The following ADGRB3 variants were observed in gnomAD, a reference collection of about 807,000 sequenced individuals.
ADGRB3 encodes brain-specific angiogenesis inhibitor 3.
A neutral mutation model predicts 193.4 loss-of-function variants in ADGRB3; 37 were observed. That is an observed-to-expected ratio of 0.19 (90% CI 0.15 to 0.25). The LOEUF (loss-of-function observed/expected upper bound fraction) is 0.25. Among genes scored for constraint, ADGRB3 ranks in the 10% least tolerant of loss-of-function variants. The probability of loss-of-function intolerance (pLI) is 1.00; values close to 1 mark genes in which losing one functional copy is unlikely to be tolerated. For synonymous variants in ADGRB3, 690 were observed against 644.2 expected, an observed-to-expected ratio of 1.07 and a Z score of -1.08; for missense variants, 1,637 against 1,852.9, an observed-to-expected ratio of 0.88 and a Z score of 2.14.
At position 69,273,025 on chromosome 6, in the gene ADGRB3, C is replaced by T. The variant is rs551268703; in HGVS notation, c.2814+33799C>T. Among the ~76,000 whole-genome samples, 6 of 152,196 alleles carry T rather than the reference C, an allele frequency of 3.9e-5. No individual in the cohort carries two copies. In the South Asian group the frequency reaches 6.2e-4, roughly 16 times the overall value. ...AAGCGATTCTCCTGCCTCAGCCTCC[C>T]GAGTAGCTGAGACCACAAGCCCGTG... is the stretch of plus-strand genomic sequence containing the variant. On this transcript the variant is annotated intron_variant, in intron 20 of 31. Coordinates refer to ENST00000370598, the MANE Select transcript of ADGRB3 (RefSeq NM_001704.3).
At chr6:68,817,868 G>C (rs138321794) in intron 3 of ADGRB3, among the ~76,000 whole-genome samples, 1 of 151,998 alleles carries the variant, frequency 6.6e-6, no homozygotes, top group East Asian at 1.9e-4. Context: ...CATTTTTCTT[G>C]CCAGCTTCTT....
intron 3 of ADGRB3, among the ~76,000 whole-genome samples, chr6:68,904,123 G>A (rs536130646): frequency 1.0e-5 from 1 of 97,764 alleles, no homozygotes; most frequent in African/African-American, 3.6e-5. Context: ...GGGAGGGAGG[G>A]AGGAAGGAAG....
chr6:69,337,940 T>C (rs932879714), intron 24 of ADGRB3, among the ~76,000 whole-genome samples: 1 of 152,196 alleles, frequency 6.6e-6, no homozygotes, highest in Non-Finnish European at 1.5e-5. Flanking sequence ...AGATACCACA[T>C]AGGAATGGAC....
intron 13 of ADGRB3, among the ~76,000 whole-genome samples, chr6:69,045,561 T>G (rs188980024): frequency 6.6e-6 from 1 of 152,128 alleles, no homozygotes; most frequent in Non-Finnish European, 1.5e-5. Context: ...GCTTATGCTA[T>G]TAGCTCAAAT....
chr6:69,145,301 G>A (rs1247209489), intron 17 of ADGRB3, among the ~76,000 whole-genome samples: 1 of 152,170 alleles, frequency 6.6e-6, no homozygotes, highest in Non-Finnish European at 1.5e-5. Flanking sequence ...CACTGGTATG[G>A]GTGCCGGCTC....
chr6:69,087,046 G>A (rs1772571368), intron 17 of ADGRB3, among the ~76,000 whole-genome samples: 1 of 152,080 alleles, frequency 6.6e-6, no homozygotes, highest in Admixed American at 6.6e-5. Context: ...TCTATAACCT[G>A]TCAGCTTCTT....
At chr6:69,080,363 C>T (rs1772352576) in intron 17 of ADGRB3, among the ~76,000 whole-genome samples, 1 of 151,966 alleles carries the variant, frequency 6.6e-6, no homozygotes, top group African/African-American at 2.4e-5. Context: ...GCCAACCTTT[C>T]CCTGCAGGGA....
intron 22 of ADGRB3, among the ~76,000 whole-genome samples, chr6:69,329,691 G>T (rs564708105): frequency 1.3e-5 from 2 of 152,270 alleles, no homozygotes; most frequent in South Asian, 4.1e-4. Flanking sequence ...GCATGAAATG[G>T]TGGCCATGAC....
At chr6:69,127,908 T>TGTTG (rs10664649) in intron 17 of ADGRB3, among the ~76,000 whole-genome samples, 1 of 151,112 alleles carries the variant, frequency 6.6e-6, no homozygotes, top group Admixed American at 6.6e-5. Context: ...TTTTTTTTGT[T>TGTTG]TTTTTTTTCT....
chr6:69,292,933 A>G (rs533630761), intron 20 of ADGRB3, among the ~76,000 whole-genome samples: 28 of 149,050 alleles, frequency 1.9e-4, no homozygotes, highest in African/African-American at 6.9e-4. Context: ...TGTGTTCTCA[A>G]CCTCTTTCTA....
At position 68,714,227 on chromosome 6, in the gene ADGRB3, A is replaced by G. The variant is rs939225347; in HGVS notation, c.757+74795A>G. On this transcript the variant is annotated intron_variant, in intron 3 of 31. Transcript: ENST00000370598. The stretch of plus-strand genomic sequence containing the variant: ...AGCTTTTTGAATTTCAAAAGAAATC[A>G]CTACTTATATATTATTTTAAAAACT... Among the ~76,000 whole-genome samples, 3 of 151,870 alleles carry G rather than the reference A, an allele frequency of 2.0e-5. No individual in the cohort carries two copies. In the East Asian group the frequency reaches 5.8e-4, roughly 29 times the overall value.
intron 3 of ADGRB3, among the ~76,000 whole-genome samples, chr6:68,681,954 C>A (rs1764905029): frequency 1.3e-5 from 2 of 152,112 alleles, no homozygotes. Flanking sequence ...AAGTAAAGAG[C>A]AATGTGAGAC....
In ADGRB3 at chr6:68,682,415, G is replaced by T. The variant is rs533059700; in HGVS notation, c.757+42983G>T. Among the ~76,000 whole-genome samples, 26 of 152,220 alleles carry T rather than the reference G, an allele frequency of 1.7e-4. No homozygotes were observed. The South Asian group carries it at 4.6e-3, about 27-fold the overall frequency. ...AATCGAACCAAAGAAAATAAATTCA[G>T]AACAACAAATTACTGTAATACTTTT... On this transcript the variant is annotated intron_variant, in intron 3 of 31. Transcript: ENST00000370598.
chr6:69,183,468 AT>A (rs3834302), intron 17 of ADGRB3, among the ~76,000 whole-genome samples: 9,728 of 152,100 alleles, frequency 0.064, 837 homozygotes, highest in African/African-American at 0.18. Context: ...ATTCTTTCAA[AT>A]TGGAATTCCA....
chr6:69,268,880 C>T (rs117360135), intron 20 of ADGRB3, among the ~76,000 whole-genome samples: 2,260 of 152,172 alleles, frequency 0.015, 26 homozygotes, highest in Non-Finnish European at 0.024. Flanking sequence ...TGTTTTCCCC[C>T]ATAAAATGAG....
At chr6:68,851,817 C>T (rs1768408468) in intron 3 of ADGRB3, among the ~76,000 whole-genome samples, 2 of 151,590 alleles carry the variant, frequency 1.3e-5, no homozygotes, top group Admixed American at 1.3e-4. Flanking sequence ...GTGATTATTT[C>T]AAGTAGGTAA....
chr6:69,389,390 A>G lies in ADGRB3; in HGVS notation c.*499A>G, dbSNP rs1228946475. 3 of 152,702 alleles carry G rather than the reference A, an allele frequency of 2.0e-5. No homozygotes were observed. The highest frequency in any genetic ancestry group is 1.9e-4 in the East Asian group (1 of 5,196). 9.5% of individuals were successfully genotyped at this position (152,702 alleles called of 1,614,324 possible). A position where few individuals can be genotyped will look rare whatever the true frequency, so the allele number is the denominator to read the frequency against. ...ATAATCTCACTTTTATATGAATAAT[A>G]TATTTCACATCTTTATTATTGCAGT... On this transcript the variant is annotated 3_prime_UTR_variant, in exon 32 of 32. Transcript: ENST00000370598.
At chr6:69,388,377 C>G (rs990522150) in intron 31 of ADGRB3, among the ~76,000 whole-genome samples, 2 of 151,926 alleles carry the variant, frequency 1.3e-5, no homozygotes, top group Admixed American at 6.6e-5. Flanking sequence ...GGTGACTTAA[C>G]TCTCCTTCCT....
rs1561962885 is a variant in ADGRB3, at chr6:69,239,222, A to G, written c.2810A>G (p.Asn937Ser). The change falls in exon 20 of 32, where the codon AAT (asparagine) becomes AGT (serine). Residue 937 changes from asparagine (N) to serine (S), a missense_variant. This residue lies in a region of ADGRB3 where 87 missense variants were observed against 161.0 expected (regional missense o/e 0.54). Transcript: ENST00000370598. Reference sequence around the variant, plus strand: ...CTGGTTGGACAGACTCAGACACATAATAAGGTATGACTGGTAATTATTCTG... The same window carrying G: ...CTGGTTGGACAGACTCAGACACATAGTAAGGTATGACTGGTAATTATTCTG... ...LILVGQTQTH[N>S]KSICTTTTAF... 6.5e-7 allele frequency: 1 copy of G among 1,543,986 alleles called. No individual in the cohort carries two copies. The highest frequency in any genetic ancestry group is 1.7e-5 in the Admixed American group (1 of 58,876).
Sources: gnomAD v4.1 joint callset for allele counts (sites outside exome capture counted in the v4.1 genomes callset) on GRCh38, gnomAD v4.1.1 for gene constraint, gnomAD v4.1.1 regional missense constraint, MANE v1.5 for transcripts, NCBI Gene and HGNC (gene_info 2026-07-23, HGNC 2026-07-21) for gene names.